TMEM181: variants seen among roughly 807,000 people sequenced by gnomAD.
TMEM181 encodes transmembrane protein 181, also known as G protein-coupled receptor 178.
TMEM181 carries 39 observed loss-of-function variants against 71.9 expected under a neutral mutation model. The observed-to-expected ratio is 0.54, with a 90% CI of 0.42 to 0.71. TMEM181 has a LOEUF of 0.71. Among genes scored for constraint, TMEM181 ranks in the 30% least tolerant of loss-of-function variants. The pLI, the probability that TMEM181 is intolerant of heterozygous loss-of-function variation, is 0.00. For synonymous variants in TMEM181, 245 were observed against 228.8 expected, an observed-to-expected ratio of 1.07 and a Z score of -0.64; for missense variants, 595 against 583.0, an observed-to-expected ratio of 1.02 and a Z score of -0.21.
chr6:158,596,535 C>T (rs1040839315), intron 6 of TMEM181, among the ~76,000 whole-genome samples: 5 of 152,316 alleles, frequency 3.3e-5, no homozygotes, highest in Admixed American at 2.6e-4. Flanking sequence ...ACACCTTCCC[C>T]TGGTGCCACT....
At chr6:158,610,098 G>T (rs745805614) in intron 10 of TMEM181, 1 of 220,444 alleles carries the variant, frequency 4.5e-6, no homozygotes, top group Non-Finnish European at 9.6e-6. Flanking sequence ...TGCTGGCAGA[G>T]GATCACCAAA....
At chr6:158,599,507 A>G (rs2128311328) in intron 6 of TMEM181, among the ~76,000 whole-genome samples, 1 of 152,324 alleles carries the variant, frequency 6.6e-6, no homozygotes, top group East Asian at 1.9e-4. Flanking sequence ...TGTACTCTTT[A>G]TTTCATTTTA....
At chr6:158,544,505 G>A (rs1195431489) in intron 1 of TMEM181, among the ~76,000 whole-genome samples, 1 of 152,176 alleles carries the variant, frequency 6.6e-6, no homozygotes, top group Admixed American at 6.5e-5. Flanking sequence ...TCACGGTCAC[G>A]TAGCGGGCAG....
chr6:158,604,635 C>T (rs936381867), intron 6 of TMEM181, among the ~76,000 whole-genome samples: 2 of 152,224 alleles, frequency 1.3e-5, no homozygotes, highest in African/African-American at 4.8e-5. Flanking sequence ...AACTGCAGCT[C>T]ACTCTTCTGC....
intron 2 of TMEM181, among the ~76,000 whole-genome samples, chr6:158,577,142 CTG>C (rs1161385680): frequency 6.6e-6 from 1 of 150,858 alleles, no homozygotes; most frequent in Non-Finnish European, 1.5e-5. Flanking sequence ...GTGTCAGAAT[CTG>C]TCTCTGAGTA....
chr6:158,631,415 G>A (rs369604452), intron 16 of TMEM181, 26 bp downstream of exon 16: 14 of 1,612,062 alleles, frequency 8.7e-6, no homozygotes, highest in African/African-American at 2.7e-5. Flanking sequence ...TTAGAAGGCC[G>A]GCACACCTTG....
At chr6:158,599,199 C>T (rs1207574071) in intron 6 of TMEM181, among the ~76,000 whole-genome samples, 4 of 152,208 alleles carry the variant, frequency 2.6e-5, no homozygotes, top group East Asian at 1.9e-4. Flanking sequence ...TCACTTATTT[C>T]GTGCTGCATG....
chr6:158,614,858 G>A (rs1785530013), intron 10 of TMEM181, among the ~76,000 whole-genome samples: 1 of 152,182 alleles, frequency 6.6e-6, no homozygotes, highest in Admixed American at 6.5e-5. Context: ...TGGTGTATAT[G>A]TGTCACATTT....
intron 1 of TMEM181, among the ~76,000 whole-genome samples, chr6:158,539,189 C>T (rs1048442982): frequency 2.6e-5 from 4 of 152,174 alleles, no homozygotes; most frequent in African/African-American, 9.7e-5. Flanking sequence ...CTGCCCCGCC[C>T]CCCGCCATGA....
intron 8 of TMEM181, among the ~76,000 whole-genome samples, chr6:158,607,710 A>G (rs1785027948): frequency 6.6e-6 from 1 of 152,212 alleles, no homozygotes; most frequent in Non-Finnish European, 1.5e-5. Flanking sequence ...CATCTTGGAG[A>G]TGGCCTAGGC....
intron 6 of TMEM181, among the ~76,000 whole-genome samples, chr6:158,598,573 C>G (rs1017197889): frequency 1.3e-5 from 2 of 152,020 alleles, no homozygotes; most frequent in Non-Finnish European, 2.9e-5. Context: ...CCTGTGCTTG[C>G]TACATCGTTG....
intron 1 of TMEM181, among the ~76,000 whole-genome samples, chr6:158,537,651 A>G (rs1781174871): frequency 6.6e-6 from 1 of 152,150 alleles, no homozygotes; most frequent in South Asian, 2.1e-4. Flanking sequence ...AGTCGGTAGA[A>G]AGCTCCCTCA....
chr6:158,592,161 C>T (rs1784145601), intron 6 of TMEM181, among the ~76,000 whole-genome samples: 1 of 152,188 alleles, frequency 6.6e-6, no homozygotes, highest in South Asian at 2.1e-4. Context: ...GTTTCCCCAG[C>T]AGCCAGCATA....
chr6:158,580,068 C>T (rs1783387290), intron 2 of TMEM181, among the ~76,000 whole-genome samples: 3 of 152,168 alleles, frequency 2.0e-5, no homozygotes, highest in Admixed American at 6.5e-5. Context: ...CAGTGGCTCA[C>T]GCCTGTAATC....
chr6:158,626,104 A>G (rs117928743), intron 13 of TMEM181, among the ~76,000 whole-genome samples: 1 of 152,234 alleles, frequency 6.6e-6, no homozygotes, highest in East Asian at 1.9e-4. Context: ...CAGGGACAGG[A>G]CTCTAAGCGA....
In TMEM181 at chr6:158,573,469, G is replaced by T. The variant is rs1267644738; in HGVS notation, c.58G>T (p.Val20Leu). Reference sequence around the variant, plus strand: ...GCTCTCCAAGCGCCACTTTGTCCTCGTGTTTGTCGTCTTCTTCATCTGCTT... The same window carrying T: ...GCTCTCCAAGCGCCACTTTGTCCTCTTGTTTGTCGTCTTCTTCATCTGCTT... ...YTLSKRHFVL[V>L]FVVFFICFGL... is the part of the protein sequence containing the mutation. Residue 20 changes from valine to leucine, a missense_variant, in exon 2 of 17, where the codon GTG (valine) becomes TTG (leucine). Physicochemically the swap from Val to Leu is conservative, Grantham distance 32 (BLOSUM62 1). Coordinates refer to ENST00000684151, the MANE Select transcript of TMEM181 (RefSeq NM_001376852.1). 1 of 1,605,608 alleles carries T rather than the reference G, an allele frequency of 6.2e-7. No homozygotes were observed. Among genetic ancestry groups the T allele is most frequent in the Non-Finnish European group, 8.5e-7 (1 of 1,176,150 alleles).
intron 5 of TMEM181, 127 bp downstream of exon 5, chr6:158,585,552 A>G: frequency 8.3e-7 from 1 of 1,209,942 alleles, no homozygotes. Context: ...AGTGAAAAAA[A>G]TGGAGTCATA....
chr6:158,594,142 A>C lies in TMEM181; in HGVS notation c.492+4360A>C, dbSNP rs1475148482. ...TTTTCTGAGACAGAGTCTGTTGCCC[A>C]GGCTGGAGTGCAGTGGTGAGATCTC... On this transcript the variant is annotated intron_variant, in intron 6 of 16. Transcript: ENST00000684151. Among the ~76,000 whole-genome samples, 5 of 131,534 alleles carry C rather than the reference A, an allele frequency of 3.8e-5. No homozygotes were observed. The East Asian group carries it at 1.1e-3, about 29-fold the overall frequency. The allele number at this position is 131,534 out of a possible 152,430, so 86.3% of individuals were successfully genotyped here.
intron 5 of TMEM181, among the ~76,000 whole-genome samples, chr6:158,589,412 G>A (rs539070442): frequency 3.9e-5 from 6 of 152,226 alleles, no homozygotes; most frequent in South Asian, 2.1e-4. Flanking sequence ...TTTCTTACAC[G>A]GTGACTTATT....
Sources: gnomAD v4.1 joint callset for allele counts (sites outside exome capture counted in the v4.1 genomes callset) on GRCh38, gnomAD v4.1.1 for gene constraint, MANE v1.5 for transcripts, NCBI Gene and HGNC (gene_info 2026-07-23, HGNC 2026-07-21) for gene names.